Variants in PRRC2A observed in about 807,000 individuals in gnomAD.
The protein encoded by PRRC2A is protein PRRC2A.
Under a neutral mutation model 224.6 loss-of-function variants are expected in PRRC2A, and 59 were observed. The ratio of observed to expected loss-of-function variants is 0.26; its 90% CI spans 0.21 to 0.33. PRRC2A has a LOEUF of 0.33. Among genes scored for constraint, PRRC2A ranks in the 10% least tolerant of loss-of-function variants. The probability of loss-of-function intolerance (pLI) is 1.00; values close to 1 mark genes in which losing one functional copy is unlikely to be tolerated. For missense variants in PRRC2A, 3,095 were observed against 2,880.7 expected (o/e 1.07, Z -1.70); for synonymous variants, 1,194 against 1,109.5 (o/e 1.08, Z -1.51).
chr6:31,627,906 A>G lies in PRRC2A; in HGVS notation c.1432A>G (p.Met478Val). The G allele has an allele frequency of 1.2e-6, 2 of 1,613,024 alleles. No individual in the cohort carries two copies. The highest frequency in any genetic ancestry group is 1.7e-6 in the Non-Finnish European group (2 of 1,180,026). ...ACGGCGAGAAGAAGAGGAGCGGCGC[A>G]TGCAAGAAGAGCGCCGGGCAGCCTG... Reference protein sequence around the residue: ...RRRREEEERRMQEERRAACAE... With the variant: ...RRRREEEERRVQEERRAACAE... The change falls in exon 12 of 31, where the codon ATG becomes GTG. Residue 478 changes from methionine (M) to valine (V), a missense_variant. Physicochemically the swap from Met to Val is conservative, Grantham distance 21. Coordinates refer to ENST00000376033, the MANE Select transcript of PRRC2A (RefSeq NM_004638.4). The surrounding 1 kb of genome is among the most constrained non-coding windows in gnomAD (Gnocchi z 5.6).
chr6:31,631,516 G>A lies in PRRC2A; in HGVS notation c.2843G>A (p.Arg948Gln), dbSNP rs562825218. The A allele has an allele frequency of 9.4e-6, 15 of 1,599,254 alleles. No individual in the cohort carries two copies. Among genetic ancestry groups the A allele is most frequent in the South Asian group, 3.4e-5 (3 of 89,412 alleles). ...GAGGAGCCAGGGGCCCCACCCCGCC[G>A]GGCTGGGCCTATAAAGAAACCTCCA... Reference protein sequence around the residue: ...PPEEPGAPPRRAGPIKKPPPP... With the variant: ...PPEEPGAPPRQAGPIKKPPPP... The change falls in exon 16 of 31, where the codon CGG becomes CAG. Residue 948 changes from arginine (R) to glutamine (Q), a missense_variant. Coordinates refer to ENST00000376033, the MANE Select transcript of PRRC2A (RefSeq NM_004638.4). This position sits in a 1 kb window ranked among gnomAD's most constrained non-coding sequence, Gnocchi z 4.5.
At position 31,631,209 on chromosome 6, in the gene PRRC2A, G is replaced by T; in HGVS notation, c.2536G>T (p.Ala846Ser). ...ASYPGFPENG[A>S]PGPPISRFPL... ...TTATCCAGGCTTTCCTGAGAATGGAGCCCCTGGGCCCCCAATCTCTCGCTT... is the reference window on the plus strand; with the variant it reads ...TTATCCAGGCTTTCCTGAGAATGGATCCCCTGGGCCCCCAATCTCTCGCTT... Residue 846 changes from alanine to serine, a missense_variant, in exon 16 of 31, where the codon GCC becomes TCC. By Grantham distance (99) the Ala-to-Ser change is moderately conservative (BLOSUM62 1). Around this residue, in one of 8 missense-constraint regions of PRRC2A, gnomAD observed 2,001 missense variants for 1,764.9 expected, o/e 1.13. Coordinates refer to ENST00000376033, the MANE Select transcript of PRRC2A (RefSeq NM_004638.4). The surrounding 1 kb of genome is among the most constrained non-coding windows in gnomAD (Gnocchi z 4.5). 6.2e-7 allele frequency: 1 copy of T among 1,601,662 alleles called. No individual in the cohort carries two copies. Among genetic ancestry groups the T allele is most frequent in the Non-Finnish European group, 8.5e-7 (1 of 1,174,922 alleles).
In PRRC2A at chr6:31,627,974, T is replaced by G. The variant is rs1458299457; in HGVS notation, c.1500T>G (p.Pro500=). 6.2e-7 allele frequency: 1 copy of G among 1,613,006 alleles called. No individual in the cohort carries two copies. Among genetic ancestry groups the G allele is most frequent in the African/African-American group, 1.3e-5 (1 of 75,052 alleles). Residue 500 remains proline, a synonymous_variant, in exon 12 of 31, where the codon CCT becomes CCG. Coordinates refer to ENST00000376033, the MANE Select transcript of PRRC2A (RefSeq NM_004638.4). The surrounding 1 kb of genome is among the most constrained non-coding windows in gnomAD (Gnocchi z 5.6). ...GACTCGATGAAAAGTTTGGGGCACC[T>G]GACAAGCGGCTCAAAGCAGAGCCTG... ...LKRLDEKFGA[P]DKRLKAEPAA...
chr6:31,636,708 T>C lies in PRRC2A; in HGVS notation c.5935-25T>C. 4 of 1,605,502 alleles carry C rather than the reference T, an allele frequency of 2.5e-6. No individual in the cohort carries two copies. The highest frequency in any genetic ancestry group is 1.7e-4 in the Middle Eastern group (1 of 6,050). On this transcript the variant is annotated intron_variant, in intron 27 of 30. Transcript: ENST00000376033. The surrounding 1 kb of genome is among the most constrained non-coding windows in gnomAD (Gnocchi z 4.3). The stretch of plus-strand genomic sequence containing the variant: ...CTGACATTCCTCCCTGCCCCCAACA[T>C]GCACACCCAAATTTCTTGTTACAGA...
chr6:31,625,672 G>A lies in PRRC2A; in HGVS notation c.759+61G>A. 1 of 1,603,900 alleles carries A rather than the reference G, an allele frequency of 6.2e-7. No homozygotes were observed. Among genetic ancestry groups the A allele is most frequent in the Non-Finnish European group, 8.5e-7 (1 of 1,171,198 alleles). ...TGGAAGCTGGAGAGCTAGGAATCAG[G>A]ACTTAGTCTTTGACCTATGAGATAG... On this transcript the variant is annotated intron_variant, in intron 7 of 30. Coordinates refer to ENST00000376033, the MANE Select transcript of PRRC2A (RefSeq NM_004638.4). This position sits in a 1 kb window ranked among gnomAD's most constrained non-coding sequence, Gnocchi z 4.1.
chr6:31,637,039 C>CA lies in PRRC2A; in HGVS notation c.6148-2dup, dbSNP rs1274508116. ...AGGCAGCTCATGATTTTTTTCCCCT[C>CA]AGCTGCATCCAGTGGAACTAAAGCC... On this transcript the variant is annotated splice_region_variant and splice_polypyrimidine_tract_variant and intron_variant, in intron 28 of 30. Coordinates refer to ENST00000376033, the MANE Select transcript of PRRC2A (RefSeq NM_004638.4). The CA allele has an allele frequency of 1.9e-6, 3 of 1,598,024 alleles. No homozygotes were observed. In the African/African-American group the frequency reaches 4.0e-5, roughly 22 times the overall value.
At chr6:31,626,240 T>G in intron 9 of PRRC2A, 78 bp downstream of exon 9, 1 of 1,494,540 alleles carries the variant, frequency 6.7e-7, no homozygotes. Flanking sequence ...CAGGGTTATG[T>G]GGGTGAAAGG....
chr6:31,626,131 G>A lies in PRRC2A; in HGVS notation c.951G>A (p.Gln317=), dbSNP rs747669546. 8 of 1,612,766 alleles carry A rather than the reference G, an allele frequency of 5.0e-6. No homozygotes were observed. In the Admixed American group the frequency reaches 1.0e-4, roughly 20 times the overall value. Residue 317 remains glutamine (Q), a synonymous_variant, in exon 9 of 31, where the codon CAG becomes CAA. Coordinates refer to ENST00000376033, the MANE Select transcript of PRRC2A (RefSeq NM_004638.4). ...AGGATAATCTCAAAGAGTTTGATCA[G>A]TTGGATCAGGAGAATGATGATGGTT... ...LKEDNLKEFD[Q]LDQENDDGWA...
Position 31,625,040 on chromosome 6 carries a change from C to A in PRRC2A, c.464-131C>A, listed in dbSNP as rs867247994. ...GTCTCGATCTCTTGACCTCGTGATC[C>A]GCCCGCCTCAGCCTCCCAGAGTGCT... On this transcript the variant is annotated intron_variant, in intron 5 of 30. Transcript: ENST00000376033. The surrounding 1 kb of genome is among the most constrained non-coding windows in gnomAD (Gnocchi z 4.1). The A allele has an allele frequency of 3.9e-6, 4 of 1,032,638 alleles. No individual in the cohort carries two copies. Among genetic ancestry groups the A allele is most frequent in the Non-Finnish European group, 5.7e-6 (4 of 700,724 alleles). 64.0% of individuals were successfully genotyped at this position (1,032,638 alleles called of 1,614,324 possible). A position where few individuals can be genotyped will look rare whatever the true frequency, so the allele number is the denominator to read the frequency against.
At chr6:31,629,456 C>A in intron 13 of PRRC2A, 92 bp from the exon 14 acceptor site, 1 of 1,430,626 alleles carries the variant, frequency 7.0e-7, no homozygotes, top group Non-Finnish European at 9.7e-7. Flanking sequence ...CATTGTCACG[C>A]CAATTTCCCC....
Position 31,623,258 on chromosome 6 carries a change from GA to G in PRRC2A, c.112+358del, listed in dbSNP as rs1278546517. ...CAGCCTTCTTGATAGGGATTTCATA[GA>G]TTTTTTTTTTTTTTTTTTTTTTTTT... is the stretch of plus-strand genomic sequence containing the variant. On this transcript the variant is annotated intron_variant, in intron 2 of 30. Coordinates refer to ENST00000376033, the MANE Select transcript of PRRC2A (RefSeq NM_004638.4). 1.9e-5 allele frequency: 7 copies of G among 360,416 alleles called. No homozygotes were observed. In the African/African-American group the frequency reaches 2.0e-4, roughly 10 times the overall value. 22.3% of individuals were successfully genotyped at this position (360,416 alleles called of 1,614,324 possible). A position where few individuals can be genotyped will look rare whatever the true frequency, so the allele number is the denominator to read the frequency against.
rs1777255372 is a variant in PRRC2A, at chr6:31,635,710, T to C, written c.5502T>C (p.Pro1834=). 6.2e-7 allele frequency: 1 copy of C among 1,607,982 alleles called. No individual in the cohort carries two copies. Among genetic ancestry groups the C allele is most frequent in the Non-Finnish European group, 8.5e-7 (1 of 1,177,280 alleles). Residue 1834 remains proline, a synonymous_variant, in exon 24 of 31, where the codon CCT becomes CCC. Coordinates refer to ENST00000376033, the MANE Select transcript of PRRC2A (RefSeq NM_004638.4). The part of the protein sequence containing the change: ...EPSSSGQRLY[P]EVFYGSAGPS... ...GCTCCTCAGGCCAGCGCCTGTATCC[T>C]GAGGTTTTCTATGGCAGTGCTGGGC...
chr6:31,628,749 T>C (rs1200918628), intron 12 of PRRC2A: 1 of 224,738 alleles, frequency 4.4e-6, no homozygotes, highest in Non-Finnish European at 8.8e-6. Flanking sequence ...GCTGAGGTAG[T>C]AGAATCGCTT....
chr6:31,631,547 T>C lies in PRRC2A; in HGVS notation c.2874T>C (p.Pro958=). The part of the protein sequence containing the change: ...RAGPIKKPPP[P]TKVEELPPKP... ...GGCCTATAAAGAAACCTCCACCACC[T>C]ACAAAAGTAGAAGAGCTGCCTCCCA... The change falls in exon 16 of 31, where the codon CCT becomes CCC. Residue 958 remains proline, a synonymous_variant. Coordinates refer to ENST00000376033, the MANE Select transcript of PRRC2A (RefSeq NM_004638.4). The surrounding 1 kb of genome is among the most constrained non-coding windows in gnomAD (Gnocchi z 4.5). 6.3e-7 allele frequency: 1 copy of C among 1,593,238 alleles called. No individual in the cohort carries two copies. The highest frequency in any genetic ancestry group is 8.5e-7 in the Non-Finnish European group (1 of 1,173,216).
intron 1 of PRRC2A, among the ~76,000 whole-genome samples, chr6:31,622,355 G>A (rs1368129903): frequency 6.6e-6 from 1 of 152,166 alleles, no homozygotes; most frequent in African/African-American, 2.4e-5. Context: ...GTTTTCTCTT[G>A]CTTGAATTTG....
At position 31,633,494 on chromosome 6, in the gene PRRC2A, G is replaced by A. The variant is rs769611840; in HGVS notation, c.4435G>A (p.Ala1479Thr). The A allele has an allele frequency of 1.9e-6, 3 of 1,613,090 alleles. No homozygotes were observed. In the Admixed American group the frequency reaches 5.0e-5, roughly 27 times the overall value. The change falls in exon 17 of 31, where the codon GCT becomes ACT. Residue 1479 changes from alanine to threonine, a missense_variant. By Grantham distance (58) the Ala-to-Thr change is moderately conservative. Coordinates refer to ENST00000376033, the MANE Select transcript of PRRC2A (RefSeq NM_004638.4). ...IHSNPAGIQQ[A>T]LAQLSSRQGS... Reference sequence around the variant, plus strand: ...CAGCAACCCTGCTGGCATCCAACAGGCTCTGGCCCAGCTTAGTAGCCGTCA... The same window carrying A: ...CAGCAACCCTGCTGGCATCCAACAGACTCTGGCCCAGCTTAGTAGCCGTCA...
intron 5 of PRRC2A, 103 bp downstream of exon 5, chr6:31,624,625 T>C (rs1775688066): frequency 7.8e-7 from 1 of 1,279,764 alleles, no homozygotes; most frequent in Non-Finnish European, 1.1e-6. Flanking sequence ...TTTGGCTAAA[T>C]CAAGGACCAC....
At chr6:31,629,467 T>C (rs1227368086) in intron 13 of PRRC2A, 81 bp from the exon 14 acceptor site, 3 of 1,419,504 alleles carry the variant, frequency 2.1e-6, no homozygotes, top group Non-Finnish European at 3.0e-6. Flanking sequence ...CAATTTCCCC[T>C]AGTCCAAGTT....
In PRRC2A at chr6:31,636,593, G is replaced by A; in HGVS notation, c.5919G>A (p.Gly1973=). ...PGGQSGFLPS[G]APAQQMLLPM... ...GCCAAAGTGGCTTTCTCCCTTCAGG[G>A]GCTCCTGCCCAGCAGGTATATTGTA... Residue 1973 remains glycine (G), a synonymous_variant, in exon 27 of 31, where the codon GGG becomes GGA. Coordinates refer to ENST00000376033, the MANE Select transcript of PRRC2A (RefSeq NM_004638.4). This position sits in a 1 kb window ranked among gnomAD's most constrained non-coding sequence, Gnocchi z 4.3. 1 of 1,603,960 alleles carries A rather than the reference G, an allele frequency of 6.2e-7. No individual in the cohort carries two copies. Among genetic ancestry groups the A allele is most frequent in the South Asian group, 1.1e-5 (1 of 89,764 alleles).
Sources: gnomAD v4.1 joint callset for allele counts (sites outside exome capture counted in the v4.1 genomes callset) on GRCh38, gnomAD v4.1.1 for gene constraint, gnomAD v4.1.1 regional missense constraint, Gnocchi (gnomAD v3.1) non-coding constraint, MANE v1.5 for transcripts, NCBI Gene and HGNC (gene_info 2026-07-23, HGNC 2026-07-21) for gene names.